Variants in PLCB4 observed in about 807,000 individuals in gnomAD.
The protein encoded by PLCB4 is phospholipase C beta 4.
A neutral mutation model predicts 178.8 loss-of-function variants in PLCB4; 77 were observed. The ratio of observed to expected loss-of-function variants is 0.43; its 90% confidence interval spans 0.36 to 0.52. The LOEUF (loss-of-function observed/expected upper bound fraction) is 0.52, where lower values mean the gene tolerates loss of function less well. Among genes scored for constraint, PLCB4 ranks in the 20% least tolerant of loss-of-function variants. The pLI is 0.00. For missense variants in PLCB4, 1,024 were observed against 1,453.4 expected (o/e 0.70, Z 4.80); for synonymous variants, 496 against 490.8 (o/e 1.01, Z -0.14).
rs143014520 is a variant in PLCB4, at chr20:9,245,345, A to G, written c.-16+27893A>G. Among the ~76,000 whole-genome samples, 178 of 152,298 alleles carry G rather than the reference A, an allele frequency of 1.2e-3. 4 individuals are homozygous for G. In the East Asian group the frequency reaches 0.032, roughly 27 times the overall value. On this transcript the variant is annotated intron_variant, in intron 3 of 39. Transcript: ENST00000378473. ...AGACAAAGGTGTTTGGGGGTAGGCC[A>G]AAAAAGGGCTCACAAAATCCATGTC...
intron 33 of PLCB4, among the ~76,000 whole-genome samples, chr20:9,453,918 C>G (rs2042913529): frequency 6.6e-6 from 1 of 152,108 alleles, no homozygotes; most frequent in South Asian, 2.1e-4. Context: ...GTTGTCAAAC[C>G]AGGAAATTGA....
At chr20:9,204,915 C>G (rs1022008630) in intron 2 of PLCB4, among the ~76,000 whole-genome samples, 8 of 151,624 alleles carry the variant, frequency 5.3e-5, no homozygotes, top group African/African-American at 1.5e-4. Flanking sequence ...AAAAAAAACC[C>G]GAATTTAAAA....
At chr20:9,287,690 A>G (rs996518448) in intron 3 of PLCB4, among the ~76,000 whole-genome samples, 1 of 152,116 alleles carries the variant, frequency 6.6e-6, no homozygotes, top group African/African-American at 2.4e-5. Context: ...CTGTATGCTA[A>G]GATAGATTTT....
chr20:9,127,012 G>C (rs949710356), intron 2 of PLCB4, among the ~76,000 whole-genome samples: 2 of 152,030 alleles, frequency 1.3e-5, no homozygotes, highest in Admixed American at 1.3e-4. Context: ...TATCCTCTGT[G>C]CCAGATACTG....
At chr20:9,280,346 TG>T in intron 3 of PLCB4, 1 of 459,924 alleles carries the variant, frequency 2.2e-6, no homozygotes, top group Non-Finnish European at 2.9e-6. Context: ...TTCAAAACAC[TG>T]GCTCTTCACA....
intron 13 of PLCB4, among the ~76,000 whole-genome samples, chr20:9,381,707 A>AG (rs1368809277): frequency 3.3e-5 from 5 of 152,216 alleles, no homozygotes; most frequent in African/African-American, 1.2e-4. Flanking sequence ...TGGAGTACAA[A>AG]GCCATTCTTA....
At chr20:9,470,800 A>T (rs1261450130) in intron 36 of PLCB4, among the ~76,000 whole-genome samples, 3 of 152,232 alleles carry the variant, frequency 2.0e-5, no homozygotes, top group South Asian at 2.1e-4. Flanking sequence ...CCCAAGTACT[A>T]TACATTTGTG....
At chr20:9,127,504 G>A (rs1277900028) in intron 2 of PLCB4, among the ~76,000 whole-genome samples, 4 of 152,042 alleles carry the variant, frequency 2.6e-5, no homozygotes, top group African/African-American at 9.7e-5. Flanking sequence ...CCTTTCCCCA[G>A]ATTTCTATGG....
rs910507115 is a variant in PLCB4, at chr20:9,206,073, G to T, written c.-78-11317G>T. Among the ~76,000 whole-genome samples the T allele has an allele frequency of 3.9e-5, 6 of 151,988 alleles. No individual in the cohort carries two copies. In the East Asian group the frequency reaches 7.7e-4, roughly 20 times the overall value. ...CATTGTGTTTCTATTGGACAGCATTGGTTTAAGGGAATGTTTGTTAGAAGT... is the reference window on the plus strand; with the variant it reads ...CATTGTGTTTCTATTGGACAGCATTTGTTTAAGGGAATGTTTGTTAGAAGT... On this transcript the variant is annotated intron_variant, in intron 2 of 39. Coordinates refer to ENST00000378473, the MANE Select transcript of PLCB4 (RefSeq NM_001377142.1).
intron 3 of PLCB4, among the ~76,000 whole-genome samples, chr20:9,224,744 G>A (rs143575618): frequency 1.1e-4 from 17 of 152,250 alleles, no homozygotes; most frequent in African/African-American, 3.6e-4. Context: ...TCTTCCCAAG[G>A]TGATTAGAAG....
At chr20:9,221,512 C>T (rs1394117155) in intron 3 of PLCB4, among the ~76,000 whole-genome samples, 1 of 152,172 alleles carries the variant, frequency 6.6e-6, no homozygotes. Context: ...TTTACCAATC[C>T]ACATTCCATC....
At chr20:9,380,234 T>A in intron 13 of PLCB4, 72 bp downstream of exon 13, 1 of 760,824 alleles carries the variant, frequency 1.3e-6, no homozygotes, top group Non-Finnish European at 2.2e-6. Flanking sequence ...TTGGTTTATT[T>A]AAAGGTATCT....
intron 2 of PLCB4, among the ~76,000 whole-genome samples, chr20:9,156,842 T>TCCCTCCCTCCCTCCCC (rs2092798411): frequency 2.3e-5 from 1 of 43,256 alleles, no homozygotes; most frequent in Admixed American, 2.9e-4. Context: ...CCTCCCTCCC[T>TCCCTCCCTCCCTCCCC]CCCTCCCTCC....
chr20:9,376,828 G>GC lies in PLCB4; in HGVS notation c.745-3224dup, dbSNP rs2036717443. Among the ~76,000 whole-genome samples the GC allele has an allele frequency of 2.0e-5, 3 of 152,240 alleles. No homozygotes were observed. The South Asian group carries it at 6.2e-4, about 32-fold the overall frequency. On this transcript the variant is annotated intron_variant, in intron 12 of 39. Transcript: ENST00000378473. ...GAAGAGAGGGAAAAGGCCTTAGGTG[G>GC]CCACAGGAATCAAGGAGTAGCTTTA...
rs192489668 is a variant in PLCB4 at position 9,125,772 on chromosome 20, C to T, written c.-79+29430C>T. ...AGTGTCTCGTGTCTGTCTCTATATG[C>T]GTATACACATATAATTATAGTTCAG... On this transcript the variant is annotated intron_variant, in intron 2 of 39. Coordinates refer to ENST00000378473, the MANE Select transcript of PLCB4 (RefSeq NM_001377142.1). 6.6e-5 allele frequency among the ~76,000 whole-genome samples: 10 copies of T among 152,238 alleles called. No individual in the cohort carries two copies. The East Asian group carries it at 1.5e-3, about 24-fold the overall frequency.
intron 3 of PLCB4, among the ~76,000 whole-genome samples, chr20:9,306,185 A>G (rs571144364): frequency 2.6e-4 from 40 of 152,156 alleles, no homozygotes; most frequent in African/African-American, 9.2e-4. Flanking sequence ...GTTCACTGCA[A>G]TCCCCGTCTC....
chr20:9,294,942 A>G (rs1292840711), intron 3 of PLCB4, among the ~76,000 whole-genome samples: 1 of 152,132 alleles, frequency 6.6e-6, no homozygotes, highest in African/African-American at 2.4e-5. Flanking sequence ...GGCTAAAAAG[A>G]AATAACTCAA....
chr20:9,228,061 C>T (rs973060091), intron 3 of PLCB4, among the ~76,000 whole-genome samples: 7 of 152,138 alleles, frequency 4.6e-5, no homozygotes, highest in Admixed American at 2.6e-4. Context: ...GCAAAGCCAG[C>T]GCACAGACTG....
intron 2 of PLCB4, among the ~76,000 whole-genome samples, chr20:9,185,392 C>T (rs972846349): frequency 2.0e-5 from 3 of 152,160 alleles, no homozygotes; most frequent in African/African-American, 7.2e-5. Context: ...TCCTCTCTCT[C>T]ACACTCACAC....
Sources: allele counts gnomAD v4.1 joint callset (sites outside exome capture counted in the v4.1 genomes callset), GRCh38; gene constraint gnomAD v4.1.1; transcripts MANE v1.5; gene names NCBI Gene and HGNC (gene_info 2026-07-23, HGNC 2026-07-21).